Variants in PRKD1 observed in about 807,000 individuals in gnomAD.
The protein encoded by PRKD1 is protein kinase D1.
A neutral mutation model predicts 95.9 loss-of-function variants in PRKD1; 63 were observed. The ratio of observed to expected loss-of-function variants is 0.66; its 90% CI spans 0.54 to 0.81. The LOEUF is 0.81. Among genes scored for constraint, PRKD1 ranks in the 30% least tolerant of loss-of-function variants. The pLI is 0.00. For synonymous variants in PRKD1, 425 were observed against 423.1 expected (o/e 1.00, Z -0.05); for missense variants, 1,048 against 1,165.3 (o/e 0.90, Z 1.47).
intron 1 of PRKD1, among the ~76,000 whole-genome samples, chr14:29,845,133 C>G (rs183809389): frequency 6.6e-6 from 1 of 152,194 alleles, no homozygotes; most frequent in African/African-American, 2.4e-5. Flanking sequence ...TCTATGTTCT[C>G]CAATTTTTCT....
intron 4 of PRKD1, among the ~76,000 whole-genome samples, chr14:29,640,330 T>A (rs2139142270): frequency 6.6e-6 from 1 of 152,300 alleles, no homozygotes; most frequent in Non-Finnish European, 1.5e-5. Flanking sequence ...TTACAAAAAA[T>A]TTCTATCCTT....
chr14:29,795,845 T>C (rs1249868881), intron 1 of PRKD1, among the ~76,000 whole-genome samples: 3 of 152,118 alleles, frequency 2.0e-5, no homozygotes, highest in African/African-American at 4.8e-5. Context: ...CAACTTTCAA[T>C]GTGTTTAAGC....
chr14:29,926,378 AC>A (rs1369623776), intron 1 of PRKD1, among the ~76,000 whole-genome samples: 1 of 151,988 alleles, frequency 6.6e-6, no homozygotes, highest in Non-Finnish European at 1.5e-5. Flanking sequence ...CGTCTGTATC[AC>A]CCCCTTCCAT....
intron 1 of PRKD1, among the ~76,000 whole-genome samples, chr14:29,820,943 G>C (rs1890886916): frequency 6.6e-6 from 1 of 152,140 alleles, no homozygotes; most frequent in Non-Finnish European, 1.5e-5. Context: ...GAGATGTAAT[G>C]GGGGAATGAG....
chr14:29,637,427 G>T lies in PRKD1; in HGVS notation c.986-933C>A, dbSNP rs1043283798. Among the ~76,000 whole-genome samples, 8 of 152,252 alleles carry T rather than the reference G, an allele frequency of 5.3e-5. No homozygotes were observed. The South Asian group carries it at 1.7e-3, about 32-fold the overall frequency. The stretch of plus-strand genomic sequence containing the variant: ...TTAAAATGAAAATACAGATTAATGA[G>T]AGACTCTAGCCTGCCAAGCTTGGAA... On this transcript the variant is annotated intron_variant, in intron 6 of 17. Coordinates refer to ENST00000331968, the MANE Select transcript of PRKD1 (RefSeq NM_002742.3).
chr14:29,676,576 A>G (rs4981714), intron 2 of PRKD1, among the ~76,000 whole-genome samples: 78,728 of 151,972 alleles, frequency 0.52, 23,022 homozygotes, highest in African/African-American at 0.8. Flanking sequence ...GATGGTCTCC[A>G]TCTCCTGACC....
At chr14:29,597,880 G>A in intron 15 of PRKD1, 122 bp from the exon 16 acceptor site, 2 of 1,063,182 alleles carry the variant, frequency 1.9e-6, no homozygotes, top group Non-Finnish European at 2.6e-6. Flanking sequence ...TAAATGATAT[G>A]GATTTCTTAA....
chr14:29,842,247 T>C (rs956178415), intron 1 of PRKD1, among the ~76,000 whole-genome samples: 15 of 152,376 alleles, frequency 9.8e-5, no homozygotes, highest in Non-Finnish European at 1.6e-4. Context: ...AAGTATAGTA[T>C]AGCAAATACA....
At chr14:29,661,499 G>C (rs1262434343) in intron 4 of PRKD1, among the ~76,000 whole-genome samples, 1 of 152,058 alleles carries the variant, frequency 6.6e-6, no homozygotes, top group Non-Finnish European at 1.5e-5. Context: ...GGTCGAGCAG[G>C]GTGCTTTTGT....
intron 1 of PRKD1, among the ~76,000 whole-genome samples, chr14:29,926,945 G>A (rs1326352524): frequency 6.6e-6 from 1 of 151,766 alleles, no homozygotes; most frequent in Non-Finnish European, 1.5e-5. Flanking sequence ...GGAGGGGCGC[G>A]GCGAGGAAAG....
chr14:29,663,555 A>T, intron 4 of PRKD1, 144 bp downstream of exon 4: 1 of 872,234 alleles, frequency 1.1e-6, no homozygotes, highest in Non-Finnish European at 1.7e-6. Flanking sequence ...TGACCAATCT[A>T]CAGCACAAGC....
At chr14:29,816,370 A>G (rs561699674) in intron 1 of PRKD1, among the ~76,000 whole-genome samples, 6 of 152,358 alleles carry the variant, frequency 3.9e-5, no homozygotes, top group African/African-American at 1.2e-4. Context: ...AAAAAAGCAA[A>G]TAACTATGTG....
rs58908662 is a variant in PRKD1 at position 29,734,028 on chromosome 14, C to CTTTTTTTTTT, written c.265-8364_265-8355dup. On this transcript the variant is annotated intron_variant, in intron 1 of 17. Coordinates refer to ENST00000331968, the MANE Select transcript of PRKD1 (RefSeq NM_002742.3). ...CTGGTTTTGAGTCATACTTTCCTGCCTTTTTTTTTTTTTTTTTTTTTTTTT... is the reference window on the plus strand; with the variant it reads ...CTGGTTTTGAGTCATACTTTCCTGCCTTTTTTTTTTTTTTTTTTTTTTTTTTTTTTTTTTT... 1.8e-3 allele frequency among the ~76,000 whole-genome samples: 119 copies of CTTTTTTTTTT among 64,666 alleles called. 17 individuals carry two copies. Among genetic ancestry groups the CTTTTTTTTTT allele is most frequent in the African/African-American group, 5.5e-3 (70 of 12,726 alleles). 42.4% of individuals were successfully genotyped at this position (64,666 alleles called of 152,430 possible).
At chr14:29,624,305 T>A (rs779750175) in intron 12 of PRKD1, 47 bp from the exon 13 acceptor site, 1 of 1,362,674 alleles carries the variant, frequency 7.3e-7, no homozygotes, top group Non-Finnish European at 1.0e-6. Flanking sequence ...AAATATCATC[T>A]ATCTTAAAGA....
chr14:29,828,472 T>C (rs960570340), intron 1 of PRKD1, among the ~76,000 whole-genome samples: 7 of 151,986 alleles, frequency 4.6e-5, no homozygotes, highest in African/African-American at 1.2e-4. Context: ...ACCTCTAACA[T>C]AGAGGTCACA....
chr14:29,615,728 C>T (rs149865198), intron 13 of PRKD1, among the ~76,000 whole-genome samples: 2 of 152,086 alleles, frequency 1.3e-5, no homozygotes, highest in African/African-American at 4.8e-5. Flanking sequence ...TTTATACGGC[C>T]CAAAGGCTCA....
At chr14:29,898,177 C>T (rs868515421) in intron 1 of PRKD1, among the ~76,000 whole-genome samples, 1 of 151,960 alleles carries the variant, frequency 6.6e-6, no homozygotes, top group Non-Finnish European at 1.5e-5. Context: ...CCAGATTTTG[C>T]AGTTCTACAT....
chr14:29,819,606 C>T (rs961350766), intron 1 of PRKD1, among the ~76,000 whole-genome samples: 2 of 152,114 alleles, frequency 1.3e-5, no homozygotes, highest in African/African-American at 4.8e-5. Flanking sequence ...AGGAGAATGG[C>T]ATGAACCCGG....
At chr14:29,655,911 A>G (rs957473541) in intron 4 of PRKD1, among the ~76,000 whole-genome samples, 1 of 150,422 alleles carries the variant, frequency 6.6e-6, no homozygotes, top group Non-Finnish European at 1.5e-5. Context: ...CTAGAACTTA[A>G]AGTATAATAA....
Sources: gnomAD v4.1 joint callset for allele counts (sites outside exome capture counted in the v4.1 genomes callset) on GRCh38, gnomAD v4.1.1 for gene constraint, MANE v1.5 for transcripts, NCBI Gene and HGNC (gene_info 2026-07-23, HGNC 2026-07-21) for gene names.